MAGI1: variants seen among roughly 807,000 people sequenced by gnomAD.
MAGI1 encodes the protein membrane associated guanylate kinase, WW and PDZ domain containing 1, also known as membrane-associated guanylate kinase, WW and PDZ domain-containing protein 1.
In MAGI1, 58 loss-of-function variants were observed where a neutral mutation model predicts 139.9. The observed-to-expected ratio is 0.41, with a 90% CI of 0.34 to 0.52. The LOEUF is 0.52. Among genes scored for constraint, MAGI1 ranks in the 20% least tolerant of loss-of-function variants. The pLI is 0.12. For missense variants in MAGI1, 1,874 were observed against 1,901.6 expected (o/e 0.99, Z 0.27); for synonymous variants, 812 against 737.9 (o/e 1.10, Z -1.63).
chr3:65,648,331 A>G (rs2085396379), intron 1 of MAGI1, among the ~76,000 whole-genome samples: 1 of 144,362 alleles, frequency 6.9e-6, no homozygotes. Flanking sequence ...GTGCGCGTGC[A>G]CACAGACAGG....
chr3:65,797,823 G>T (rs2040245268), intron 1 of MAGI1, among the ~76,000 whole-genome samples: 2 of 152,148 alleles, frequency 1.3e-5, no homozygotes, highest in Non-Finnish European at 2.9e-5. Flanking sequence ...AAATAACACA[G>T]ATTTCTAGTG....
intron 1 of MAGI1, among the ~76,000 whole-genome samples, chr3:65,780,299 C>T (rs1577090342): frequency 6.6e-6 from 1 of 152,300 alleles, no homozygotes; most frequent in East Asian, 1.9e-4. Context: ...GCTGGGATTA[C>T]AGGAGTGACA....
chr3:65,957,511 A>C (rs2064185367), intron 1 of MAGI1, among the ~76,000 whole-genome samples: 1 of 133,582 alleles, frequency 7.5e-6, no homozygotes, highest in African/African-American at 2.9e-5. Context: ...ACAGAGCAAG[A>C]CTTCATCTCA....
intron 1 of MAGI1, among the ~76,000 whole-genome samples, chr3:65,784,091 C>T (rs563686033): frequency 6.6e-6 from 1 of 151,734 alleles, no homozygotes; most frequent in East Asian, 2.0e-4. Context: ...CCATTGCACT[C>T]CAGCCTGGGC....
intron 1 of MAGI1, among the ~76,000 whole-genome samples, chr3:65,727,490 G>A (rs943228232): frequency 1.3e-5 from 2 of 152,160 alleles, no homozygotes; most frequent in Non-Finnish European, 2.9e-5. Flanking sequence ...TCAGCCTCCT[G>A]AGTAGTTGGG....
rs754346795 is a variant in MAGI1, at chr3:65,357,025, G to A, written c.3742C>T (p.Pro1248Ser). The change falls in exon 23 of 23, where the codon CCC becomes TCC. Residue 1248 changes from proline (P) to serine (S), a missense_variant. Physicochemically the swap from Pro to Ser is moderately conservative, Grantham distance 74. Around this residue, in one of 5 missense-constraint regions of MAGI1, gnomAD observed 653 missense variants for 644.5 expected, o/e 1.01. Coordinates refer to ENST00000402939, the MANE Select transcript of MAGI1 (RefSeq NM_001033057.2). ...QHPSLESSYP[P>S]DLHKSSPHGE... ...TGTGGTGATGATTTGTGAAGATCGG[G>A]TGGGTAACTGGACTCCAATGACGGA... 3 of 1,614,196 alleles carry A rather than the reference G, an allele frequency of 1.9e-6. No homozygotes were observed. Among genetic ancestry groups the A allele is most frequent in the East Asian group, 4.5e-5 (2 of 44,854 alleles).
intron 1 of MAGI1, among the ~76,000 whole-genome samples, chr3:65,911,854 C>T (rs2061682296): frequency 6.6e-6 from 1 of 152,204 alleles, no homozygotes; most frequent in Admixed American, 6.5e-5. Flanking sequence ...GTGTAAGGCA[C>T]TGTGCTTAGT....
intron 13 of MAGI1, among the ~76,000 whole-genome samples, chr3:65,393,218 A>G (rs1944077837): frequency 6.6e-6 from 1 of 152,014 alleles, no homozygotes; most frequent in Non-Finnish European, 1.5e-5. Flanking sequence ...TGGATACCAT[A>G]CTCATTTTCT....
intron 1 of MAGI1, among the ~76,000 whole-genome samples, chr3:66,023,476 T>C (rs1037302752): frequency 6.6e-6 from 1 of 152,184 alleles, no homozygotes; most frequent in African/African-American, 2.4e-5. Context: ...ACATGAATTA[T>C]GCAATGCAGA....
intron 2 of MAGI1, among the ~76,000 whole-genome samples, chr3:65,524,996 A>G (rs1418877640): frequency 6.6e-6 from 1 of 152,082 alleles, no homozygotes; most frequent in Admixed American, 6.5e-5. Flanking sequence ...AGAAACAATT[A>G]TTTCACCATC....
rs2062674101 is a variant in MAGI1, at chr3:65,929,210, C to G, written c.313+108786G>C. 2.0e-5 allele frequency among the ~76,000 whole-genome samples: 3 copies of G among 152,128 alleles called. No individual in the cohort carries two copies. In the South Asian group the frequency reaches 6.2e-4, roughly 32 times the overall value. On this transcript the variant is annotated intron_variant, in intron 1 of 22. Transcript: ENST00000402939. Reference sequence around the variant, plus strand: ...CAATGAACCTGTTTGTAGAGCACCCCTGTTTGGGACAACCTATCTATATAC... The same window carrying G: ...CAATGAACCTGTTTGTAGAGCACCCGTGTTTGGGACAACCTATCTATATAC...
rs115205157 is a variant in MAGI1 at position 65,410,901 on chromosome 3, T to C, written c.2168-9431A>G. ...CAGTTTCAAAGTGGGCAGGAGCTTT[T>C]TCTAGCTTGCAAATGTTTCCTGACG... On this transcript the variant is annotated intron_variant, in intron 12 of 22. Coordinates refer to ENST00000402939, the MANE Select transcript of MAGI1 (RefSeq NM_001033057.2). Among the ~76,000 whole-genome samples the C allele has an allele frequency of 6.9e-3, 1,046 of 152,292 alleles. 5 individuals are homozygous for C. The highest frequency in any genetic ancestry group is 0.011 in the South Asian group (55 of 4,824).
At chr3:65,947,406 A>C (rs1265449889) in intron 1 of MAGI1, among the ~76,000 whole-genome samples, 1 of 152,206 alleles carries the variant, frequency 6.6e-6, no homozygotes, top group African/African-American at 2.4e-5. Flanking sequence ...CCTAAAATGG[A>C]GGAACACAAA....
chr3:65,704,394 T>G (rs1356086593), intron 1 of MAGI1, among the ~76,000 whole-genome samples: 2 of 152,184 alleles, frequency 1.3e-5, no homozygotes, highest in Non-Finnish European at 2.9e-5. Context: ...GCATCTACCC[T>G]TTCCAGTGGG....
intron 1 of MAGI1, among the ~76,000 whole-genome samples, chr3:66,005,521 C>A (rs558665925): frequency 6.6e-6 from 1 of 152,268 alleles, no homozygotes; most frequent in African/African-American, 2.4e-5. Context: ...ATATTCACAG[C>A]CTCTTTGCCT....
intron 1 of MAGI1, among the ~76,000 whole-genome samples, chr3:65,682,522 G>C (rs1416581759): frequency 1.3e-5 from 2 of 152,160 alleles, no homozygotes; most frequent in Non-Finnish European, 2.9e-5. Context: ...GGCCAAGAAA[G>C]GAGCATTGAC....
chr3:65,992,054 T>C (rs1003089274), intron 1 of MAGI1, among the ~76,000 whole-genome samples: 1 of 152,032 alleles, frequency 6.6e-6, no homozygotes, highest in Non-Finnish European at 1.5e-5. Flanking sequence ...TAAATCCGAA[T>C]GCCATGAGAA....
rs959838347 is a variant in MAGI1, at chr3:65,354,486, A to G, written c.*1892T>C. ...AAGATTGGCCCACATACTGCTTTTCATCAATACAGAAAGAGCATTAAGTCC... is the reference window on the plus strand; with the variant it reads ...AAGATTGGCCCACATACTGCTTTTCGTCAATACAGAAAGAGCATTAAGTCC... On this transcript the variant is annotated 3_prime_UTR_variant, in exon 23 of 23. Transcript: ENST00000402939. The G allele has an allele frequency of 1.3e-5, 2 of 152,664 alleles. No individual in the cohort carries two copies. Among genetic ancestry groups the G allele is most frequent in the Admixed American group, 1.3e-4 (2 of 15,282 alleles). 9.5% of individuals were successfully genotyped at this position (152,664 alleles called of 1,614,324 possible).
intron 1 of MAGI1, among the ~76,000 whole-genome samples, chr3:65,987,451 C>T (rs2065938796): frequency 6.6e-6 from 1 of 152,152 alleles, no homozygotes; most frequent in Admixed American, 6.5e-5. Context: ...GGTAACTGCA[C>T]ATTAGAGGTG....
Sources: allele counts gnomAD v4.1 joint callset (sites outside exome capture counted in the v4.1 genomes callset), GRCh38; gene constraint gnomAD v4.1.1; regional missense constraint gnomAD v4.1.1; transcripts MANE v1.5; gene names NCBI Gene and HGNC (gene_info 2026-07-23, HGNC 2026-07-21).